The following CRTC1 variants were observed in gnomAD, a reference collection of about 807,000 sequenced individuals.
CRTC1 encodes the protein CREB regulated transcription coactivator 1.
In CRTC1, 18 loss-of-function variants were observed where a neutral mutation model predicts 66.1. The ratio of observed to expected loss-of-function variants is 0.27; its 90% CI spans 0.19 to 0.40. The LOEUF (loss-of-function observed/expected upper bound fraction) is 0.40, where lower values mean the gene tolerates loss of function less well. Ranked by LOEUF, CRTC1 falls within the 10% of genes least tolerant of loss-of-function variation. CRTC1 has a pLI of 1.00. For missense variants in CRTC1, 669 were observed against 887.9 expected, an observed-to-expected ratio of 0.75 and a Z score of 3.13; for synonymous variants, 416 against 398.8, an observed-to-expected ratio of 1.04 and a Z score of -0.51.
intron 8 of CRTC1, 55 bp from the exon 9 acceptor site, chr19:18,765,349 C>G (rs538346968): frequency 6.4e-7 from 1 of 1,567,222 alleles, no homozygotes; most frequent in African/African-American, 1.3e-5. Flanking sequence ...GTAAGCAGCC[C>G]TTTCTCAGTG....
intron 1 of CRTC1, among the ~76,000 whole-genome samples, chr19:18,717,467 C>G (rs2053533656): frequency 6.6e-6 from 1 of 152,050 alleles, no homozygotes; most frequent in South Asian, 2.1e-4. Context: ...GGGGCCAGTC[C>G]CTCCCCTCTG....
At chr19:18,773,132 G>A (rs1235695246) in intron 11 of CRTC1, among the ~76,000 whole-genome samples, 2 of 152,272 alleles carry the variant, frequency 1.3e-5, no homozygotes, top group Non-Finnish European at 2.9e-5. Context: ...TCCGTCGTGC[G>A]CTGATGCAGG....
At chr19:18,721,366 T>C (rs563752068) in intron 1 of CRTC1, among the ~76,000 whole-genome samples, 2 of 150,482 alleles carry the variant, frequency 1.3e-5, no homozygotes, top group East Asian at 4.0e-4. Context: ...GCTAATTTTT[T>C]GTATTTTCGG....
In CRTC1 at chr19:18,737,586, T is replaced by C. The variant is rs111375212; in HGVS notation, c.127-5324T>C. 2.1e-3 allele frequency among the ~76,000 whole-genome samples: 320 copies of C among 152,198 alleles called. 1 individual carries two copies. Among genetic ancestry groups the C allele is most frequent in the African/African-American group, 7.2e-3 (300 of 41,512 alleles). ...GAATCATGTCCCACAAAAAGATACG[T>C]CCACACTCTCACTCCTGGAACCTGG... On this transcript the variant is annotated intron_variant, in intron 1 of 13. Coordinates refer to ENST00000321949, the MANE Select transcript of CRTC1 (RefSeq NM_015321.3).
At chr19:18,773,131 C>T (rs1022563492) in intron 11 of CRTC1, among the ~76,000 whole-genome samples, 5 of 152,216 alleles carry the variant, frequency 3.3e-5, no homozygotes, top group African/African-American at 7.2e-5. Flanking sequence ...GTCCGTCGTG[C>T]GCTGATGCAG....
Position 18,699,273 on chromosome 19 carries a change from C to T in CRTC1, c.126+15445C>T, listed in dbSNP as rs138028271. Among the ~76,000 whole-genome samples, 755 of 152,280 alleles carry T rather than the reference C, an allele frequency of 5.0e-3. 8 individuals carry two copies. Among genetic ancestry groups the T allele is most frequent in the African/African-American group, 0.017 (708 of 41,564 alleles). ...AGGGGTGTGCGGGGTCTTCTCAATA[C>T]CTCCATCTGGGAACATGTACCGGCT... On this transcript the variant is annotated intron_variant, in intron 1 of 13. Transcript: ENST00000321949.
intron 1 of CRTC1, among the ~76,000 whole-genome samples, chr19:18,703,429 A>G (rs2053193257): frequency 6.6e-6 from 1 of 152,086 alleles, no homozygotes; most frequent in Non-Finnish European, 1.5e-5. Flanking sequence ...TGTGTGTTGC[A>G]TTTATTTACT....
chr19:18,741,120 A>G lies in CRTC1; in HGVS notation c.127-1790A>G, dbSNP rs1314869276. Among the ~76,000 whole-genome samples the G allele has an allele frequency of 6.6e-6, 1 of 152,254 alleles. No individual in the cohort carries two copies. The highest frequency in any genetic ancestry group is 1.5e-5 in the Non-Finnish European group (1 of 68,024). On this transcript the variant is annotated intron_variant, in intron 1 of 13. Coordinates refer to ENST00000321949, the MANE Select transcript of CRTC1 (RefSeq NM_015321.3). The surrounding 1 kb of genome is among the most constrained non-coding windows in gnomAD (Gnocchi z 4.2). ...CCTGAGTGCCTCCAGCAAAGTGGAC[A>G]GGAGCTGGGAATTGTGGGCAAGGTT... is the stretch of plus-strand genomic sequence containing the variant.
At chr19:18,775,571 C>T (rs1204162230) in intron 12 of CRTC1, 70 bp from the exon 13 acceptor site, 1 of 1,371,418 alleles carries the variant, frequency 7.3e-7, no homozygotes, top group Non-Finnish European at 9.7e-7. Flanking sequence ...CCACAGCAGC[C>T]AAGGGCTTGG....
Position 18,782,330 on chromosome 19 carries a change from G to T in CRTC1, c.*4948G>T, listed in dbSNP as rs1030329046. ...AACGTAATAAAAATCCAACGTTTTC[G>T]TCACTGGCTCTTCCTCTTTTTTCTG... On this transcript the variant is annotated 3_prime_UTR_variant, in exon 14 of 14. Coordinates refer to ENST00000321949, the MANE Select transcript of CRTC1 (RefSeq NM_015321.3). 1 of 204,156 alleles carries T rather than the reference G, an allele frequency of 4.9e-6. No individual in the cohort carries two copies. Among genetic ancestry groups the T allele is most frequent in the Non-Finnish European group, 1.0e-5 (1 of 98,984 alleles). The allele number at this position is 204,156 out of a possible 1,614,324, so 12.6% of individuals were successfully genotyped here. A position where few individuals can be genotyped will look rare whatever the true frequency, so the allele number is the denominator to read the frequency against.
At chr19:18,773,572 A>G (rs749356317) in intron 11 of CRTC1, among the ~76,000 whole-genome samples, 5 of 152,196 alleles carry the variant, frequency 3.3e-5, no homozygotes, top group South Asian at 2.1e-4. Context: ...GACCAGCTCT[A>G]CGACAGCCAG....
In CRTC1 at chr19:18,778,117, T is replaced by C. The variant is rs1165888477; in HGVS notation, c.*735T>C. The stretch of plus-strand genomic sequence containing the variant: ...CAGGCAGGCCCATCGGTGGCCACCT[T>C]TGCCGGGAAGTGACCGGAAGGCCCC... On this transcript the variant is annotated 3_prime_UTR_variant, in exon 14 of 14. Coordinates refer to ENST00000321949, the MANE Select transcript of CRTC1 (RefSeq NM_015321.3). 5 of 232,276 alleles carry C rather than the reference T, an allele frequency of 2.2e-5. No individual in the cohort carries two copies. In the East Asian group the frequency reaches 3.0e-4, roughly 14 times the overall value. 14.4% of individuals were successfully genotyped at this position (232,276 alleles called of 1,614,324 possible).
intron 2 of CRTC1, 102 bp downstream of exon 2, chr19:18,743,128 G>A: frequency 1.1e-6 from 1 of 937,118 alleles, no homozygotes; most frequent in Non-Finnish European, 1.7e-6. Context: ...CAGACAGTTG[G>A]CGGAGCCCAC....
chr19:18,715,762 C>T (rs1041478369), intron 1 of CRTC1, among the ~76,000 whole-genome samples: 30 of 152,354 alleles, frequency 2.0e-4, no homozygotes, highest in African/African-American at 7.0e-4. Context: ...TGCAGGTGGG[C>T]TCCCAGGCAG....
intron 10 of CRTC1, among the ~76,000 whole-genome samples, chr19:18,770,518 G>T (rs1295251620): frequency 6.6e-6 from 1 of 152,276 alleles, no homozygotes; most frequent in African/African-American, 2.4e-5. Flanking sequence ...CACACAGTCA[G>T]CGAGAGCCGG....
chr19:18,745,824 C>A lies in CRTC1; in HGVS notation c.245C>A (p.Thr82Asn). ...GSGTMDLPFQ[T>N]PFQSSGLDTS... ...TGTTTCCATCTCCTCCTCCCCCAGA[C>A]CCCCTTCCAATCCTCGGGCCTGGAC... The change falls in exon 3 of 14, where the codon ACC (threonine) becomes AAC (asparagine). Residue 82 changes from threonine to asparagine, a missense_variant and splice_region_variant. By Grantham distance (65) the Thr-to-Asn change is moderately conservative. Coordinates refer to ENST00000321949, the MANE Select transcript of CRTC1 (RefSeq NM_015321.3). 1.2e-6 allele frequency: 2 copies of A among 1,613,882 alleles called. No homozygotes were observed. The highest frequency in any genetic ancestry group is 1.7e-6 in the Non-Finnish European group (2 of 1,179,916).
chr19:18,742,888 G>A, intron 1 of CRTC1, 22 bp from the exon 2 acceptor site: 8 of 1,589,604 alleles, frequency 5.0e-6, no homozygotes, highest in African/African-American at 1.3e-5. Flanking sequence ...CCCTCCCGCA[G>A]CTGCTGGCTT....
chr19:18,749,992 C>A, intron 5 of CRTC1, 117 bp downstream of exon 5: 1 of 795,076 alleles, frequency 1.3e-6, no homozygotes, highest in Non-Finnish European at 2.2e-6. Flanking sequence ...AAGACTCAGA[C>A]CATGCTGAGG....
intron 6 of CRTC1, among the ~76,000 whole-genome samples, chr19:18,757,987 C>T (rs149194885): frequency 2.3e-3 from 352 of 151,858 alleles, no homozygotes; most frequent in African/African-American, 8.2e-3. Flanking sequence ...CACTGCACTC[C>T]AGCCTGGGCG....
Sources: gnomAD v4.1 joint callset for allele counts (sites outside exome capture counted in the v4.1 genomes callset) on GRCh38, gnomAD v4.1.1 for gene constraint, Gnocchi (gnomAD v3.1) non-coding constraint, MANE v1.5 for transcripts, NCBI Gene and HGNC (gene_info 2026-07-23, HGNC 2026-07-21) for gene names.